The following CNTN5 variants were observed in gnomAD, a reference collection of about 807,000 sequenced individuals.
CNTN5 encodes contactin 5.
CNTN5 carries 77 observed loss-of-function variants against 129.1 expected under a neutral mutation model. The ratio of observed to expected loss-of-function variants is 0.60; its 90% confidence interval spans 0.50 to 0.72. The LOEUF (loss-of-function observed/expected upper bound fraction) is 0.72, where lower values mean the gene tolerates loss of function less well. Among genes scored for constraint, CNTN5 ranks in the 30% least tolerant of loss-of-function variants. CNTN5 has a pLI of 0.00. For missense variants in CNTN5, 1,478 were observed against 1,328.8 expected, an observed-to-expected ratio of 1.11 and a Z score of -1.75; for synonymous variants, 509 against 465.6, an observed-to-expected ratio of 1.09 and a Z score of -1.20.
In CNTN5 at chr11:100,061,242, T is replaced by A; in HGVS notation, c.1011T>A (p.Val337=). ...TTCCAACAATCACATGGATGAAGGT[T>A]AATGGTTATATTCCTAGTAAGGCAC... ...NPVPTITWMK[V]NGYIPSKARL... Residue 337 remains valine (V), a synonymous_variant, in exon 10 of 25, where the codon GTT becomes GTA. Coordinates refer to ENST00000524871, the MANE Select transcript of CNTN5 (RefSeq NM_014361.4). 6.2e-7 allele frequency: 1 copy of A among 1,612,858 alleles called. No individual in the cohort carries two copies. The highest frequency in any genetic ancestry group is 8.5e-7 in the Non-Finnish European group (1 of 1,178,994).
chr11:99,198,497 A>G (rs1318920046), intron 1 of CNTN5, among the ~76,000 whole-genome samples: 3 of 152,144 alleles, frequency 2.0e-5, no homozygotes, highest in Non-Finnish European at 4.4e-5. Flanking sequence ...TATCATGGTT[A>G]TGGGTGCTCT....
intron 1 of CNTN5, among the ~76,000 whole-genome samples, chr11:99,091,021 C>CAAA (rs68113369): frequency 0.011 from 615 of 56,656 alleles, 62 homozygotes; most frequent in African/African-American, 0.036. Flanking sequence ...GACTCCGTCT[C>CAAA]AAAAAAAAAA....
At chr11:100,052,068 G>C (rs1037081137) in intron 9 of CNTN5, among the ~76,000 whole-genome samples, 12 of 152,018 alleles carry the variant, frequency 7.9e-5, no homozygotes, top group African/African-American at 2.9e-4. Flanking sequence ...GGAATGTACA[G>C]TGTTTTAACT....
chr11:99,841,824 G>A (rs997449071), intron 4 of CNTN5, among the ~76,000 whole-genome samples: 7 of 138,414 alleles, frequency 5.1e-5, no homozygotes, highest in Admixed American at 7.4e-5. Flanking sequence ...ATATATGTGT[G>A]TATATATATA....
At chr11:99,753,500 A>C (rs1042958970) in intron 3 of CNTN5, among the ~76,000 whole-genome samples, 1 of 151,714 alleles carries the variant, frequency 6.6e-6, no homozygotes, top group East Asian at 2.0e-4. Context: ...GCATAAAATA[A>C]GATCTAAATG....
chr11:100,055,865 A>G (rs916616874), intron 9 of CNTN5, among the ~76,000 whole-genome samples: 1 of 150,056 alleles, frequency 6.7e-6, no homozygotes, highest in African/African-American at 2.4e-5. Context: ...TCTTGCTCTC[A>G]CTCTCTCTTA....
At chr11:99,653,982 T>TAA (rs144918513) in intron 3 of CNTN5, among the ~76,000 whole-genome samples, 2 of 148,910 alleles carry the variant, frequency 1.3e-5, no homozygotes, top group African/African-American at 4.9e-5. Context: ...TTATTTCTAT[T>TAA]AAAAAAAAAA....
chr11:99,945,896 G>A lies in CNTN5; in HGVS notation c.674-10910G>A. ...GTCACTCTACTATAATATAAATTGT[G>A]TTACTAACACCAGTGTTTAAGCTTT... On this transcript the variant is annotated intron_variant, in intron 7 of 24. Transcript: ENST00000524871. Among the ~76,000 whole-genome samples, 3 of 151,960 alleles carry A rather than the reference G, an allele frequency of 2.0e-5. No homozygotes were observed. In the Middle Eastern group the frequency reaches 0.01, roughly 517 times the overall value.
intron 21 of CNTN5, among the ~76,000 whole-genome samples, chr11:100,331,058 C>A (rs555534703): frequency 7.4e-4 from 112 of 152,240 alleles, no homozygotes; most frequent in Non-Finnish European, 1.0e-3. Context: ...TAAAAATTCA[C>A]CAACTAAGTT....
chr11:99,026,640 T>C (rs557929810), intron 1 of CNTN5, among the ~76,000 whole-genome samples: 12 of 151,722 alleles, frequency 7.9e-5, no homozygotes. Context: ...AAATACCATT[T>C]AATATTGGAA....
intron 6 of CNTN5, among the ~76,000 whole-genome samples, chr11:99,856,486 A>G (rs1031095263): frequency 5.3e-5 from 8 of 152,176 alleles, no homozygotes; most frequent in African/African-American, 1.9e-4. Context: ...TGTGGTGCCT[A>G]TAGTCTAAGT....
At chr11:100,327,067 G>A (rs1184226105) in intron 21 of CNTN5, among the ~76,000 whole-genome samples, 1 of 152,156 alleles carries the variant, frequency 6.6e-6, no homozygotes, top group African/African-American at 2.4e-5. Context: ...TTTAACAAAA[G>A]GAAGTTTTTA....
intron 10 of CNTN5, among the ~76,000 whole-genome samples, chr11:100,062,522 A>C (rs1348457833): frequency 6.6e-6 from 1 of 152,194 alleles, no homozygotes; most frequent in Non-Finnish European, 1.5e-5. Context: ...TAGAGCCTTG[A>C]AGTAACTCAT....
chr11:99,995,837 C>G (rs888163734), intron 8 of CNTN5, among the ~76,000 whole-genome samples: 3 of 152,228 alleles, frequency 2.0e-5, no homozygotes, highest in Non-Finnish European at 4.4e-5. Context: ...CAAAATCCAC[C>G]AGGCCTCAGC....
chr11:99,748,280 GATTA>G (rs1231936732), intron 3 of CNTN5, among the ~76,000 whole-genome samples: 2 of 151,956 alleles, frequency 1.3e-5, no homozygotes, highest in Non-Finnish European at 2.9e-5. Flanking sequence ...GAAATATTGG[GATTA>G]ATTATTCATT....
chr11:100,226,155 T>G (rs947220416), intron 16 of CNTN5, among the ~76,000 whole-genome samples: 3 of 152,114 alleles, frequency 2.0e-5, no homozygotes, highest in Non-Finnish European at 4.4e-5. Context: ...TCTATTCCAT[T>G]TAGCTAAAAA....
intron 2 of CNTN5, among the ~76,000 whole-genome samples, chr11:99,409,947 G>T (rs1450232573): frequency 6.6e-6 from 1 of 152,160 alleles, no homozygotes; most frequent in Non-Finnish European, 1.5e-5. Context: ...CAATTTCTGT[G>T]CTAGGCACTT....
chr11:99,819,426 A>C (rs1946712526), intron 3 of CNTN5, 118 bp from the exon 4 acceptor site: 2 of 784,370 alleles, frequency 2.5e-6, no homozygotes, highest in African/African-American at 3.5e-5. Flanking sequence ...TGTAATCTGA[A>C]TTTGCTTGCA....
At chr11:99,186,338 A>G (rs1858349731) in intron 1 of CNTN5, among the ~76,000 whole-genome samples, 2 of 151,958 alleles carry the variant, frequency 1.3e-5, no homozygotes, top group Admixed American at 1.3e-4. Context: ...AGATTGCAGT[A>G]ATGTTCACTG....
Sources: allele counts gnomAD v4.1 joint callset (sites outside exome capture counted in the v4.1 genomes callset), GRCh38; gene constraint gnomAD v4.1.1; transcripts MANE v1.5; gene names NCBI Gene and HGNC (gene_info 2026-07-23, HGNC 2026-07-21).